The following OR8G1 variants were observed in gnomAD, a reference collection of about 807,000 sequenced individuals.
The protein encoded by OR8G1 is olfactory receptor family 8 subfamily G member 1, also known as olfactory receptor 8G1.
For missense variants in OR8G1, 372 were observed against 356.2 expected (o/e 1.04, Z -0.36); for synonymous variants, 129 against 133.3 (o/e 0.97, Z 0.22).
chr11:124,246,190 G>A (rs768779487), intron 1 of OR8G1, among the ~76,000 whole-genome samples: 45 of 151,948 alleles, frequency 3.0e-4, no homozygotes, highest in Non-Finnish European at 5.3e-4. Context: ...ATTAATTTTT[G>A]TATAAGGTGT....
At chr11:124,245,375 T>C (rs989127446) in intron 1 of OR8G1, among the ~76,000 whole-genome samples, 1 of 151,294 alleles carries the variant, frequency 6.6e-6, no homozygotes, top group African/African-American at 2.4e-5. Context: ...TAGTATTCCA[T>C]GGTGTATATG....
chr11:124,249,788 C>T lies in OR8G1; in HGVS notation c.113C>T (p.Thr38Ile). ...CTGTTCTTAGGAATCTATGTGGTCA[C>T]AGTGGTGGGCAACCTGGGCATGACC... ...FLLFLGIYVV[T>I]VVGNLGMTTL... Residue 38 changes from threonine (T) to isoleucine (I), a missense_variant, in exon 3 of 3, where the codon ACA (threonine) becomes ATA (isoleucine). By Grantham distance (89) the Thr-to-Ile change is moderately conservative. Transcript: ENST00000641972. 1 of 1,613,982 alleles carries T rather than the reference C, an allele frequency of 6.2e-7. No individual in the cohort carries two copies. Among genetic ancestry groups the T allele is most frequent in the Non-Finnish European group, 8.5e-7 (1 of 1,179,938 alleles).
In OR8G1 at chr11:124,250,953, A is replaced by C. The variant is rs1861864131; in HGVS notation, c.*342A>C. 2 of 118,872 alleles carry C rather than the reference A, an allele frequency of 1.7e-5. 1 individual carries two copies. The highest frequency in any genetic ancestry group is 4.0e-4 in the East Asian group (2 of 4,972). 7.4% of individuals were successfully genotyped at this position (118,872 alleles called of 1,614,324 possible). On this transcript the variant is annotated 3_prime_UTR_variant, in exon 3 of 3. Coordinates refer to ENST00000641972, the MANE Select transcript of OR8G1 (RefSeq NM_001002905.2). The stretch of plus-strand genomic sequence containing the variant: ...GAAAATACCATCTTCCAAAAGTGAT[A>C]CCAATCTCCCTTATTCTGTCTTTTC...
In OR8G1 at chr11:124,250,222, C is replaced by T; in HGVS notation, c.547C>T (p.Pro183Ser). The change falls in exon 3 of 3, where the codon CCC (proline) becomes TCC (serine). Residue 183 changes from proline (P) to serine (S), a missense_variant. Transcript: ENST00000641972. ...TAACCATTATTTCTGTGATCTTCTT[C>T]CCCTCCTAAAGCTCTCTTGCTCTAG... Reference protein sequence around the residue: ...LINHYFCDLLPLLKLSCSSIY... With the variant: ...LINHYFCDLLSLLKLSCSSIY... 2 of 1,613,668 alleles carry T rather than the reference C, an allele frequency of 1.2e-6. No homozygotes were observed. Among genetic ancestry groups the T allele is most frequent in the Non-Finnish European group, 1.7e-6 (2 of 1,179,788 alleles).
chr11:124,245,224 C>T (rs1250118528), intron 1 of OR8G1, among the ~76,000 whole-genome samples: 1 of 141,056 alleles, frequency 7.1e-6, no homozygotes, highest in East Asian at 2.2e-4. Context: ...TCCATGTGTT[C>T]TCATTGTTCA....
intron 1 of OR8G1, among the ~76,000 whole-genome samples, chr11:124,245,848 G>T (rs1273533000): frequency 2.6e-5 from 4 of 151,420 alleles, no homozygotes; most frequent in Admixed American, 6.6e-5. Flanking sequence ...TTCACCCACT[G>T]TTTGATGGGG....
chr11:124,247,083 T>C (rs1861818221), intron 1 of OR8G1, among the ~76,000 whole-genome samples: 1 of 151,734 alleles, frequency 6.6e-6, no homozygotes, highest in South Asian at 2.1e-4. Context: ...AAAGTTGAAT[T>C]GTTGATTCAA....
Position 124,250,574 on chromosome 11 carries a change from C to T in OR8G1, c.899C>T (p.Ser300Phe). ...YSLRNKDVHVSLKKMLQRRTL... is the reference protein window; with the variant it reads ...YSLRNKDVHVFLKKMLQRRTL... ...CTGAGGAATAAAGATGTCCATGTTT[C>T]CCTGAAGAAAATGCTACAGAGAAGA... The change falls in exon 3 of 3, where the codon TCC becomes TTC. Residue 300 changes from serine (S) to phenylalanine (F), a missense_variant. By Grantham distance (155) the Ser-to-Phe change is radical (BLOSUM62 -2). Coordinates refer to ENST00000641972, the MANE Select transcript of OR8G1 (RefSeq NM_001002905.2). 1 of 445,510 alleles carries T rather than the reference C, an allele frequency of 2.2e-6. No homozygotes were observed. The highest frequency in any genetic ancestry group is 2.9e-6 in the Non-Finnish European group (1 of 340,838). The allele number at this position is 445,510 out of a possible 1,614,324, so 27.6% of individuals were successfully genotyped here.
chr11:124,244,681 G>A (rs538820331), intron 1 of OR8G1, among the ~76,000 whole-genome samples: 1 of 152,074 alleles, frequency 6.6e-6, no homozygotes, highest in African/African-American at 2.4e-5. Context: ...GGAGAAAATG[G>A]TATGGAGTGT....
chr11:124,244,404 T>C (rs1861792154), intron 1 of OR8G1, among the ~76,000 whole-genome samples: 1 of 151,954 alleles, frequency 6.6e-6, no homozygotes, highest in Non-Finnish European at 1.5e-5. Context: ...CCTGAATTGA[T>C]AAACACTGTT....
chr11:124,249,929 T>C lies in OR8G1; in HGVS notation c.254T>C (p.Phe85Ser), dbSNP rs768115676. ...TVITPKMLVNFVTEKNIISYP... is the reference protein window; with the variant it reads ...TVITPKMLVNSVTEKNIISYP... ...ATTACCCCTAAGATGCTGGTGAACT[T>C]TGTGACAGAGAAGAACATCATCTCC... The change falls in exon 3 of 3, where the codon TTT becomes TCT. Residue 85 changes from phenylalanine (F) to serine (S), a missense_variant. By Grantham distance (155) the Phe-to-Ser change is radical (BLOSUM62 -2). Transcript: ENST00000641972. The C allele has an allele frequency of 6.2e-6, 10 of 1,613,936 alleles. No individual in the cohort carries two copies. Among genetic ancestry groups the C allele is most frequent in the Non-Finnish European group, 7.6e-6 (9 of 1,180,004 alleles).
rs1440317555 is a variant in OR8G1, at chr11:124,244,077, A to G, written c.-97+2713A>G. Among the ~76,000 whole-genome samples, 2 of 150,010 alleles carry G rather than the reference A, an allele frequency of 1.3e-5. 1 individual carries two copies. The highest frequency in any genetic ancestry group is 3.0e-5 in the Non-Finnish European group (2 of 67,148). ...ACGAGGAAAGGATGGAGAGGGAGAGAGAGATGGAGAGAGAACGAGGAAAGG... is the reference window on the plus strand; with the variant it reads ...ACGAGGAAAGGATGGAGAGGGAGAGGGAGATGGAGAGAGAACGAGGAAAGG... On this transcript the variant is annotated intron_variant, in intron 1 of 2. Transcript: ENST00000641972.
At position 124,252,919 on chromosome 11, in the gene OR8G1, TC is replaced by T. The variant is rs1043973036; in HGVS notation, c.*2309del. The T allele has an allele frequency of 9.2e-5, 14 of 152,186 alleles. No individual in the cohort carries two copies. The highest frequency in any genetic ancestry group is 3.4e-4 in the African/African-American group (14 of 41,448). 9.4% of individuals were successfully genotyped at this position (152,186 alleles called of 1,614,324 possible). On this transcript the variant is annotated 3_prime_UTR_variant, in exon 3 of 3. Transcript: ENST00000641972. ...TTGTGTGTAATGCCACATCATCCTG[TC>T]ACACAGGACAGCCATCTTGGGAAAC... is the stretch of plus-strand genomic sequence containing the variant.
intron 1 of OR8G1, among the ~76,000 whole-genome samples, chr11:124,244,422 A>ATC (rs1861792455): frequency 6.6e-6 from 1 of 151,986 alleles, no homozygotes; most frequent in Admixed American, 6.6e-5. Flanking sequence ...GTTTGTGTTT[A>ATC]AATATGTCCT....
rs1861875193 is a variant in OR8G1, at chr11:124,252,530, A to G, written c.*1919A>G. 6.6e-6 allele frequency: 1 copy of G among 151,954 alleles called. No individual in the cohort carries two copies. The highest frequency in any genetic ancestry group is 2.4e-5 in the African/African-American group (1 of 41,360). The allele number at this position is 151,954 out of a possible 1,614,324, so 9.4% of individuals were successfully genotyped here. A position where few individuals can be genotyped will look rare whatever the true frequency, so the allele number is the denominator to read the frequency against. ...TTCTTAGCTTGCATTGCTTGTGGTA[A>G]TTTTATGATCATTTGAACGTCTACT... On this transcript the variant is annotated 3_prime_UTR_variant, in exon 3 of 3. Transcript: ENST00000641972.
rs1861887753 is a variant in OR8G1 at position 124,254,036 on chromosome 11, G to T, written c.*3425G>T. On this transcript the variant is annotated 3_prime_UTR_variant, in exon 3 of 3. Transcript: ENST00000641972. ...CAGATATTTCTTTGACGTGCTGATT[G>T]TATTTTTTGAATATATACCCGATAG... The T allele has an allele frequency of 6.6e-6, 1 of 152,084 alleles. No homozygotes were observed. 9.4% of individuals were successfully genotyped at this position (152,084 alleles called of 1,614,324 possible).
intron 1 of OR8G1, among the ~76,000 whole-genome samples, chr11:124,242,091 A>T (rs1591390294): frequency 1.7e-5 from 2 of 119,718 alleles, no homozygotes; most frequent in Non-Finnish European, 3.6e-5. Context: ...ATATATTTTT[A>T]TTATTATTAT....
In OR8G1 at chr11:124,241,201, C is replaced by T. The variant is rs1392782262; in HGVS notation, c.-260C>T. On this transcript the variant is annotated 5_prime_UTR_variant, in exon 1 of 3. Transcript: ENST00000641972. ...TGACTCTGAGACTGAGGGCTGGGCCCTGCCCTCTCAACACTAAAGATTCCA... is the reference window on the plus strand; with the variant it reads ...TGACTCTGAGACTGAGGGCTGGGCCTTGCCCTCTCAACACTAAAGATTCCA... The T allele has an allele frequency of 6.6e-6, 1 of 152,082 alleles. No individual in the cohort carries two copies. Among genetic ancestry groups the T allele is most frequent in the African/African-American group, 2.4e-5 (1 of 41,416 alleles). The allele number at this position is 152,082 out of a possible 1,614,324, so 9.4% of individuals were successfully genotyped here. A position where few individuals can be genotyped will look rare whatever the true frequency, so the allele number is the denominator to read the frequency against.
chr11:124,251,474 CTATAA>C lies in OR8G1; in HGVS notation c.*869_*873del, dbSNP rs1352410971. 6 of 705,896 alleles carry C rather than the reference CTATAA, an allele frequency of 8.5e-6. 1 individual carries two copies. The highest frequency in any genetic ancestry group is 4.0e-4 in the Middle Eastern group (1 of 2,500). The allele number at this position is 705,896 out of a possible 1,614,324, so 43.7% of individuals were successfully genotyped here. On this transcript the variant is annotated 3_prime_UTR_variant, in exon 3 of 3. Coordinates refer to ENST00000641972, the MANE Select transcript of OR8G1 (RefSeq NM_001002905.2). ...TTACTTTAGAAGGTTCTTCAAGAAT[CTATAA>C]TATAACTGGTAACATTCTGACCTAT...
Sources: gnomAD v4.1 joint callset for allele counts (sites outside exome capture counted in the v4.1 genomes callset) on GRCh38, gnomAD v4.1.1 for gene constraint, MANE v1.5 for transcripts, NCBI Gene and HGNC (gene_info 2026-07-23, HGNC 2026-07-21) for gene names.